DOCK6: variants seen among roughly 807,000 people sequenced by gnomAD.
The protein encoded by DOCK6 is dedicator of cytokinesis 6.
DOCK6 carries 167 observed loss-of-function variants against 230.3 expected under a neutral mutation model. The observed-to-expected ratio is 0.73, with a 90% CI of 0.64 to 0.82. The LOEUF (loss-of-function observed/expected upper bound fraction) is 0.82, where lower values mean the gene tolerates loss of function less well. Ranked by LOEUF, DOCK6 falls within the 40% of genes least tolerant of loss-of-function variation. The pLI is 0.00. For missense variants in DOCK6, 2,598 were observed against 2,825.8 expected (o/e 0.92, Z 1.83); for synonymous variants, 1,148 against 1,185.0 (o/e 0.97, Z 0.64).
chr19:11,213,154 A>G lies in DOCK6; in HGVS notation c.4491+22T>C, dbSNP rs1164962855. The G allele has an allele frequency of 5.0e-6, 8 of 1,605,088 alleles. No homozygotes were observed. In the Admixed American group the frequency reaches 5.0e-5, roughly 10 times the overall value. On this transcript the variant is annotated intron_variant, in intron 35 of 47. Coordinates refer to ENST00000294618, the MANE Select transcript of DOCK6 (RefSeq NM_020812.4). ...CCCTGACCAGAGCCATGTGTGGACC[A>G]TGCCTCCTAGCCCCCACTCACGTGG... is the stretch of plus-strand genomic sequence containing the variant.
At chr19:11,240,582 CTTTTT>C (rs869249463) in intron 14 of DOCK6, among the ~76,000 whole-genome samples, 2 of 136,346 alleles carry the variant, frequency 1.5e-5, no homozygotes, top group Non-Finnish European at 3.2e-5. Context: ...TCAATAAATT[CTTTTT>C]TTTTTTTTTT....
At chr19:11,239,534 G>A in intron 14 of DOCK6, 21 of 1,393,370 alleles carry the variant, frequency 1.5e-5, no homozygotes, top group Non-Finnish European at 2.0e-5. Context: ...TGTGCAATGC[G>A]GGGCACCAGG....
At chr19:11,224,217 T>TCTTTCTTTCTTTCTTTCTTTC (rs1555691456) in intron 24 of DOCK6, among the ~76,000 whole-genome samples, 1 of 149,022 alleles carries the variant, frequency 6.7e-6, no homozygotes, top group South Asian at 2.1e-4. Flanking sequence ...TTTCTTTCTT[T>TCTTTCTTTCTTTCTTTCTTTC]TTTTTTTTTT....
At chr19:11,228,793 A>G (rs1599242111) in intron 23 of DOCK6, 147 bp downstream of exon 23, 1 of 643,356 alleles carries the variant, frequency 1.6e-6, no homozygotes. Flanking sequence ...CGATCTCCTG[A>G]CCTCGTGATC....
intron 1 of DOCK6, among the ~76,000 whole-genome samples, chr19:11,259,433 G>T (rs181425253): frequency 6.8e-6 from 1 of 147,452 alleles, no homozygotes; most frequent in Non-Finnish European, 1.5e-5. Context: ...TTCAAGGATG[G>T]GGGAGAGAGA....
At chr19:11,205,288 G>T in intron 39 of DOCK6, among the ~76,000 whole-genome samples, 1 of 152,076 alleles carries the variant, frequency 6.6e-6, no homozygotes, top group South Asian at 2.1e-4. Flanking sequence ...CACGTGCCAT[G>T]GTGGTTTGCT....
intron 14 of DOCK6, chr19:11,239,577 G>A (rs773758808): frequency 2.5e-6 from 4 of 1,587,576 alleles, no homozygotes; most frequent in Non-Finnish European, 2.6e-6. Context: ...GGGATCAGTG[G>A]GGGTATGAGG....
rs1271396883 is a variant in DOCK6 at position 11,232,950 on chromosome 19, A to G, written c.2718+253T>C. Among the ~76,000 whole-genome samples, 5 of 152,090 alleles carry G rather than the reference A, an allele frequency of 3.3e-5. No homozygotes were observed. The East Asian group carries it at 7.7e-4, about 23-fold the overall frequency. On this transcript the variant is annotated intron_variant, in intron 22 of 47. Transcript: ENST00000294618. Reference sequence around the variant, plus strand: ...TATATGCACCTGCTACACTAGGTACATATTGCTCTTTGTTCAGCCACGCCA... The same window carrying G: ...TATATGCACCTGCTACACTAGGTACGTATTGCTCTTTGTTCAGCCACGCCA...
chr19:11,200,169 A>AC lies in DOCK6; in HGVS notation c.6101+138_6101+139insG, dbSNP rs2079144647. ...CTCTCAAAAAAAAAAACAAAAAAAA[A>AC]ACCGGAAACAAAACAAAGTCCAAGC... On this transcript the variant is annotated intron_variant, in intron 47 of 47. Coordinates refer to ENST00000294618, the MANE Select transcript of DOCK6 (RefSeq NM_020812.4). The surrounding 1 kb of genome is among the most constrained non-coding windows in gnomAD (Gnocchi z 4.3). 2 of 939,246 alleles carry AC rather than the reference A, an allele frequency of 2.1e-6. No homozygotes were observed. Among genetic ancestry groups the AC allele is most frequent in the South Asian group, 2.0e-5 (1 of 49,298 alleles). 58.2% of individuals were successfully genotyped at this position (939,246 alleles called of 1,614,324 possible). A position where few individuals can be genotyped will look rare whatever the true frequency, so the allele number is the denominator to read the frequency against.
intron 24 of DOCK6, among the ~76,000 whole-genome samples, chr19:11,223,614 T>G (rs2079616227): frequency 2.0e-5 from 3 of 152,176 alleles, no homozygotes; most frequent in Admixed American, 2.0e-4. Context: ...ACTGATCGAC[T>G]CTTACCATCA....
At position 11,214,419 on chromosome 19, in the gene DOCK6, A is replaced by AG; in HGVS notation, c.4204-11dup. The AG allele has an allele frequency of 6.2e-7, 1 of 1,613,652 alleles. No homozygotes were observed. Among genetic ancestry groups the AG allele is most frequent in the Non-Finnish European group, 8.5e-7 (1 of 1,179,840 alleles). ...CTGAAAGCATCACCGTCTGGAGGGA[A>AG]GGGGGTCAGAAATCCAGGTGTTAGA... is the stretch of plus-strand genomic sequence containing the variant. On this transcript the variant is annotated splice_polypyrimidine_tract_variant and intron_variant, in intron 33 of 47. Coordinates refer to ENST00000294618, the MANE Select transcript of DOCK6 (RefSeq NM_020812.4).
chr19:11,235,831 A>G, intron 20 of DOCK6, 72 bp from the exon 21 acceptor site: 2 of 1,503,962 alleles, frequency 1.3e-6, no homozygotes, highest in South Asian at 1.3e-5. Context: ...TCCAAATATA[A>G]AGACATCAGG....
At position 11,242,860 on chromosome 19, in the gene DOCK6, C is replaced by T. The variant is rs1203216971; in HGVS notation, c.1480+199G>A. On this transcript the variant is annotated intron_variant, in intron 13 of 47. Transcript: ENST00000294618. ...CCCGCTGCCATTAACCACCTATTGA[C>T]GCTGTATCCATCTTATTTATTCTGC... 5.9e-5 allele frequency among the ~76,000 whole-genome samples: 9 copies of T among 152,184 alleles called. No individual in the cohort carries two copies. In the East Asian group the frequency reaches 9.6e-4, roughly 16 times the overall value.
intron 28 of DOCK6, among the ~76,000 whole-genome samples, 152 bp from the exon 29 acceptor site, chr19:11,217,543 G>C (rs1305020537): frequency 6.6e-6 from 1 of 151,976 alleles, no homozygotes; most frequent in South Asian, 2.1e-4. Flanking sequence ...GATCACCTGA[G>C]GTCAGGAGTT....
At chr19:11,220,033 G>A (rs1037169380) in intron 28 of DOCK6, among the ~76,000 whole-genome samples, 6 of 151,140 alleles carry the variant, frequency 4.0e-5, no homozygotes, top group Non-Finnish European at 5.9e-5. Context: ...GGCTCACTGC[G>A]ACCTCCATCT....
At position 11,248,632 on chromosome 19, in the gene DOCK6, T is replaced by C. The variant is rs529200337; in HGVS notation, c.721-481A>G. Among the ~76,000 whole-genome samples the C allele has an allele frequency of 7.9e-5, 12 of 152,196 alleles. No individual in the cohort carries two copies. In the East Asian group the frequency reaches 1.9e-3, roughly 24 times the overall value. On this transcript the variant is annotated intron_variant, in intron 6 of 47. Coordinates refer to ENST00000294618, the MANE Select transcript of DOCK6 (RefSeq NM_020812.4). The stretch of plus-strand genomic sequence containing the variant: ...GCACCTCTTTCGGGTGCCCACAATG[T>C]CCTGGTGTAAGGAGCCATGGTGGCT...
chr19:11,252,757 C>CA (rs767808401), intron 3 of DOCK6, 26 bp downstream of exon 3: 1 of 1,597,652 alleles, frequency 6.3e-7, no homozygotes, highest in Non-Finnish European at 8.6e-7. Context: ...GAATCACAGG[C>CA]AGAGAGGGCG....
intron 6 of DOCK6, among the ~76,000 whole-genome samples, chr19:11,250,124 T>C (rs1378932334): frequency 6.6e-6 from 1 of 150,394 alleles, no homozygotes; most frequent in East Asian, 2.0e-4. Context: ...GATTCTCCTG[T>C]CTCAGCCTTC....
In DOCK6 at chr19:11,199,470, CT is replaced by C; in HGVS notation, c.*26del. 6.4e-7 allele frequency: 1 copy of C among 1,569,612 alleles called. No homozygotes were observed. On this transcript the variant is annotated 3_prime_UTR_variant, in exon 48 of 48. Coordinates refer to ENST00000294618, the MANE Select transcript of DOCK6 (RefSeq NM_020812.4). The stretch of plus-strand genomic sequence containing the variant: ...AGCTGAGGCCCGGGTGCTGGTTCCT[CT>C]AGGTACAGCTTTGGTCCTTGTGGGC...
Sources: gnomAD v4.1 joint callset for allele counts (sites outside exome capture counted in the v4.1 genomes callset) on GRCh38, gnomAD v4.1.1 for gene constraint, Gnocchi (gnomAD v3.1) non-coding constraint, MANE v1.5 for transcripts, NCBI Gene and HGNC (gene_info 2026-07-23, HGNC 2026-07-21) for gene names.